Variants in MRTFB observed in about 807,000 individuals in gnomAD.
The protein encoded by MRTFB is myocardin related transcription factor B.
A neutral mutation model predicts 104.2 loss-of-function variants in MRTFB; 29 were observed. That is an observed-to-expected ratio of 0.28 (90% CI 0.21 to 0.38). The LOEUF is 0.38. Among genes scored for constraint, MRTFB ranks in the 10% least tolerant of loss-of-function variants. The probability of loss-of-function intolerance (pLI) is 1.00; values close to 1 mark genes in which losing one functional copy is unlikely to be tolerated. For missense variants in MRTFB, 1,270 were observed against 1,341.6 expected (o/e 0.95, Z 0.83); for synonymous variants, 535 against 519.5 (o/e 1.03, Z -0.41).
the MRTFB span, among the ~76,000 whole-genome samples, chr16:14,041,452 C>G: frequency 6.6e-6 from 1 of 152,282 alleles, no homozygotes; most frequent in Non-Finnish European, 1.5e-5. Context: ...CTTTTTATGT[C>G]TGGCTCATTT....
At chr16:14,029,958 G>A in the MRTFB span, among the ~76,000 whole-genome samples, 11 of 151,918 alleles carry the variant, frequency 7.2e-5, no homozygotes, top group East Asian at 1.4e-3. Context: ...CATCCTCTGC[G>A]TCCTCAGATA....
chr16:14,054,961 T>C, the MRTFB span, among the ~76,000 whole-genome samples: 1 of 152,216 alleles, frequency 6.6e-6, no homozygotes, highest in Non-Finnish European at 1.5e-5. Context: ...TAAGGAAAAG[T>C]TGCAAAAGCA....
chr16:14,246,860 T>C lies in MRTFB; in HGVS notation c.1600T>C (p.Ser534Pro). 1 of 1,612,718 alleles carries C rather than the reference T, an allele frequency of 6.2e-7. No individual in the cohort carries two copies. ...DTFTEIMTMMSPSQFLSSSPL... is the reference protein window; with the variant it reads ...DTFTEIMTMMPPSQFLSSSPL... The stretch of plus-strand genomic sequence containing the variant: ...TTTCACCGAGATTATGACCATGATG[T>C]CGCCTTCACAGTTCTTGAGTTCATC... The change falls in exon 12 of 17, where the codon TCG becomes CCG. Residue 534 changes from serine (S) to proline (P), a missense_variant. By Grantham distance (74) the Ser-to-Pro change is moderately conservative (BLOSUM62 -1). Transcript: ENST00000571589.
chr16:14,075,628 G>C (rs1235271660), intron 1 of MRTFB, among the ~76,000 whole-genome samples: 4 of 152,196 alleles, frequency 2.6e-5, no homozygotes, highest in African/African-American at 4.8e-5. Flanking sequence ...GCTGGTCCAA[G>C]GACCATACTT....
At chr16:14,213,519 T>C in intron 5 of MRTFB, 26 bp from the exon 6 acceptor site, 1 of 1,496,116 alleles carries the variant, frequency 6.7e-7, no homozygotes, top group Non-Finnish European at 9.1e-7. Flanking sequence ...AAATGATTTA[T>C]GGTAAGACTT....
At chr16:14,163,558 A>G (rs2039119488) in intron 3 of MRTFB, among the ~76,000 whole-genome samples, 1 of 152,116 alleles carries the variant, frequency 6.6e-6, no homozygotes, top group Non-Finnish European at 1.5e-5. Flanking sequence ...TTGGCCGGGC[A>G]CAGTGGCTCA....
chr16:14,189,275 C>T (rs75436740), intron 3 of MRTFB, among the ~76,000 whole-genome samples: 2,616 of 152,248 alleles, frequency 0.017, 75 homozygotes, highest in African/African-American at 0.058. Context: ...TCCCAAAATT[C>T]AGTATGTCAC....
rs371306886 is a variant in MRTFB at position 14,246,598 on chromosome 16, C to T, written c.1338C>T (p.Ile446=). 8.7e-5 allele frequency: 141 copies of T among 1,614,004 alleles called. No individual in the cohort carries two copies. The highest frequency in any genetic ancestry group is 1.2e-4 in the Non-Finnish European group (139 of 1,180,034). ...GCAGCGGCCTTGCTGCTGGGGGCAT[C>T]GTGGCAGTGTCATCATCAGCCATTG... ...VNSSGLAAGG[I]VAVSSSAIVT... Residue 446 remains isoleucine, a synonymous_variant, in exon 12 of 17, where the codon ATC becomes ATT. Transcript: ENST00000571589.
the MRTFB span, among the ~76,000 whole-genome samples, chr16:14,032,138 T>C: frequency 6.6e-6 from 1 of 152,192 alleles, no homozygotes; most frequent in South Asian, 2.1e-4. Context: ...GGCTACAGAC[T>C]AGGAGACAGC....
At chr16:14,039,835 G>A in the MRTFB span, among the ~76,000 whole-genome samples, 33 of 143,822 alleles carry the variant, frequency 2.3e-4, no homozygotes, top group African/African-American at 6.7e-4. Context: ...TGCAACCTCC[G>A]CCTCCCGGGT....
the MRTFB span, among the ~76,000 whole-genome samples, chr16:14,029,726 A>AC: frequency 1.3e-5 from 2 of 151,320 alleles, no homozygotes; most frequent in Non-Finnish European, 2.9e-5. Flanking sequence ...CTCCTCCTCC[A>AC]CCCCCCGTGT....
In MRTFB at chr16:14,140,857, C is replaced by G. The variant is rs1050125653; in HGVS notation, c.154+97C>G. On this transcript the variant is annotated intron_variant, in intron 3 of 16. Coordinates refer to ENST00000571589, the MANE Select transcript of MRTFB (RefSeq NM_001308142.2). ...TTTGGTAGTAATATTTTGGTCAGTT[C>G]AGCAGTCTGTCATGGAGGAGAACCC... 3.2e-5 allele frequency: 45 copies of G among 1,423,986 alleles called. No individual in the cohort carries two copies. The African/African-American group carries it at 5.8e-4, about 18-fold the overall frequency. The allele number at this position is 1,423,986 out of a possible 1,614,324, so 88.2% of individuals were successfully genotyped here.
Position 14,177,463 on chromosome 16 carries a change from T to C in MRTFB, c.155-32780T>C, listed in dbSNP as rs960842216. Among the ~76,000 whole-genome samples the C allele has an allele frequency of 6.6e-6, 1 of 152,208 alleles. No homozygotes were observed. Among genetic ancestry groups the C allele is most frequent in the Non-Finnish European group, 1.5e-5 (1 of 68,034 alleles). Reference sequence around the variant, plus strand: ...GGTTTTGTTTGTTTGTTTTTTAATCTTTGTTTTTTCACCTAGCAAAAGTGT... The same window carrying C: ...GGTTTTGTTTGTTTGTTTTTTAATCCTTGTTTTTTCACCTAGCAAAAGTGT... On this transcript the variant is annotated intron_variant, in intron 3 of 16. Transcript: ENST00000571589. This position sits in a 1 kb window ranked among gnomAD's most constrained non-coding sequence, Gnocchi z 4.7.
chr16:14,031,072 C>A, the MRTFB span, among the ~76,000 whole-genome samples: 1 of 152,104 alleles, frequency 6.6e-6, no homozygotes, highest in African/African-American at 2.4e-5. Context: ...TGGCCAGTAG[C>A]CCCAAATGAG....
chr16:14,001,417 A>G, the MRTFB span, among the ~76,000 whole-genome samples: 1 of 152,236 alleles, frequency 6.6e-6, no homozygotes, highest in Middle Eastern at 3.2e-3. Flanking sequence ...ATCCAGCCCC[A>G]GCATTCCCAG....
chr16:14,215,596 C>T (rs2041382819), intron 6 of MRTFB, among the ~76,000 whole-genome samples: 1 of 152,216 alleles, frequency 6.6e-6, no homozygotes, highest in Non-Finnish European at 1.5e-5. Flanking sequence ...GAAGTCTGTC[C>T]TACCTAGATC....
intron 8 of MRTFB, among the ~76,000 whole-genome samples, chr16:14,222,932 C>T (rs940913269): frequency 6.6e-6 from 1 of 150,768 alleles, no homozygotes; most frequent in African/African-American, 2.5e-5. Flanking sequence ...ATAATCCCAG[C>T]TTACTTGGGA....
At chr16:14,003,558 A>T in the MRTFB span, among the ~76,000 whole-genome samples, 1 of 152,156 alleles carries the variant, frequency 6.6e-6, no homozygotes, top group East Asian at 1.9e-4. Context: ...GCATGCACGT[A>T]GGTCCTGGCA....
At chr16:14,011,866 C>T in the MRTFB span, among the ~76,000 whole-genome samples, 1 of 152,070 alleles carries the variant, frequency 6.6e-6, no homozygotes, top group African/African-American at 2.4e-5. Flanking sequence ...AGTGAGACTC[C>T]GTCTCACAAA....
Sources: gnomAD v4.1 joint callset for allele counts (sites outside exome capture counted in the v4.1 genomes callset) on GRCh38, gnomAD v4.1.1 for gene constraint, Gnocchi (gnomAD v3.1) non-coding constraint, MANE v1.5 for transcripts, NCBI Gene and HGNC (gene_info 2026-07-23, HGNC 2026-07-21) for gene names.